Variants in HECTD3 observed in about 807,000 individuals in gnomAD.
HECTD3 encodes the protein E3 ubiquitin-protein ligase HECTD3.
A neutral mutation model predicts 109.3 loss-of-function variants in HECTD3; 72 were observed. The ratio of observed to expected loss-of-function variants is 0.66; its 90% CI spans 0.54 to 0.80. The LOEUF (loss-of-function observed/expected upper bound fraction) is 0.80. HECTD3 is among the 30% of genes least tolerant of loss of function. The probability of loss-of-function intolerance (pLI) is 0.00; values close to 1 mark genes in which losing one functional copy is unlikely to be tolerated. For synonymous variants in HECTD3, 481 were observed against 471.8 expected, an observed-to-expected ratio of 1.02 and a Z score of -0.25; for missense variants, 1,041 against 1,165.2, an observed-to-expected ratio of 0.89 and a Z score of 1.55.
rs758286371 is a variant in HECTD3, at chr1:45,006,836, A to G, written c.1622-41T>C. 3.1e-6 allele frequency: 5 copies of G among 1,600,316 alleles called. No homozygotes were observed. The highest frequency in any genetic ancestry group is 4.3e-6 in the Non-Finnish European group (5 of 1,169,236). ...CCCTCAGCTGGGCACTCAAGAGCCC[A>G]GCTCCCATAATGGGGTAATGAATAG... On this transcript the variant is annotated intron_variant, in intron 12 of 20. Transcript: ENST00000372172. The surrounding 1 kb of genome is among the most constrained non-coding windows in gnomAD (Gnocchi z 4.7).
chr1:45,006,249 TCTCC>T lies in HECTD3; in HGVS notation c.1726-137_1726-134del, dbSNP rs1473587082. ...CCTTCAAATGCACAGTGGCTCCTCC[TCTCC>T]CTGTCTGCCCAGAGGTTGCCCTGAG... is the stretch of plus-strand genomic sequence containing the variant. On this transcript the variant is annotated intron_variant, in intron 13 of 20. Transcript: ENST00000372172. The surrounding 1 kb of genome is among the most constrained non-coding windows in gnomAD (Gnocchi z 4.7). 14 of 1,146,780 alleles carry T rather than the reference TCTCC, an allele frequency of 1.2e-5. No individual in the cohort carries two copies. The East Asian group carries it at 3.4e-4, about 28-fold the overall frequency. 71.0% of individuals were successfully genotyped at this position (1,146,780 alleles called of 1,614,324 possible). A position where few individuals can be genotyped will look rare whatever the true frequency, so the allele number is the denominator to read the frequency against.
At position 45,007,022 on chromosome 1, in the gene HECTD3, A is replaced by G. The variant is rs1446047323; in HGVS notation, c.1557-7T>C. 2.5e-6 allele frequency: 4 copies of G among 1,614,058 alleles called. No individual in the cohort carries two copies. Among genetic ancestry groups the G allele is most frequent in the Admixed American group, 1.7e-5 (1 of 60,014 alleles). On this transcript the variant is annotated splice_region_variant and splice_polypyrimidine_tract_variant and intron_variant, in intron 11 of 20. Coordinates refer to ENST00000372172, the MANE Select transcript of HECTD3 (RefSeq NM_024602.6). The stretch of plus-strand genomic sequence containing the variant: ...GTCATAGCGCATGGGCCACCTGCAA[A>G]AAACGTGGGCAGATTTGTCATTATG...
chr1:45,009,639 G>A lies in HECTD3; in HGVS notation c.804C>T (p.Thr268=), dbSNP rs150045938. Residue 268 remains threonine, a synonymous_variant, in exon 5 of 21, where the codon ACC becomes ACT. Transcript: ENST00000372172. ...VSCLTDSNAD[T]YWESDGSQCQ... ...ACTGGGACCCATCGCTCTCCCAGTA[G>A]GTATCGGCATTGCTGTCTGTCAGGC... 1,473 of 1,614,086 alleles carry A rather than the reference G, an allele frequency of 9.1e-4. 15 individuals are homozygous for A. In the African/African-American group the frequency reaches 0.018, roughly 20 times the overall value.
In HECTD3 at chr1:45,002,589, T is replaced by C. The variant is rs1171859571; in HGVS notation, c.*903A>G. The C allele has an allele frequency of 6.6e-6, 1 of 152,272 alleles. No homozygotes were observed. The highest frequency in any genetic ancestry group is 6.5e-5 in the Admixed American group (1 of 15,280). The allele number at this position is 152,272 out of a possible 1,614,324, so 9.4% of individuals were successfully genotyped here. On this transcript the variant is annotated 3_prime_UTR_variant, in exon 21 of 21. Transcript: ENST00000372172. ...TTCAACTTTCCGGTATGCAAGAACT[T>C]CTTTTCATGGAGTGTCACGGAGGCC...
rs758344815 is a variant in HECTD3 at position 45,006,711 on chromosome 1, A to C, written c.1706T>G (p.Phe569Cys). The C allele has an allele frequency of 6.2e-7, 1 of 1,613,032 alleles. No individual in the cohort carries two copies. Among genetic ancestry groups the C allele is most frequent in the South Asian group, 1.1e-5 (1 of 90,924 alleles). The change falls in exon 13 of 21, where the codon TTT (phenylalanine) becomes TGT (cysteine). Residue 569 changes from phenylalanine to cysteine, a missense_variant. Phe to Cys is a radical substitution (Grantham distance 205, BLOSUM62 -2). Transcript: ENST00000372172. This position sits in a 1 kb window ranked among gnomAD's most constrained non-coding sequence, Gnocchi z 4.7. ...GATTACCTGGTTGGCTGTGCGTACA[A>C]AGAAGGGCAGGGGCACGGGGGTATC... ...SADTPVPLPF[F>C]VRTANQGNGT...
Position 45,011,035 on chromosome 1 carries a change from C to G in HECTD3, c.223G>C (p.Val75Leu). The G allele has an allele frequency of 7.0e-7, 1 of 1,418,786 alleles. No individual in the cohort carries two copies. The highest frequency in any genetic ancestry group is 1.5e-5 in the South Asian group (1 of 68,112). The allele number at this position is 1,418,786 out of a possible 1,614,324, so 87.9% of individuals were successfully genotyped here. The change falls in exon 1 of 21, where the codon GTG becomes CTG. Residue 75 changes from valine to leucine, a missense_variant. Physicochemically the swap from Val to Leu is conservative, Grantham distance 32. Around this residue, in one of 2 missense-constraint regions of HECTD3, gnomAD observed 472 missense variants for 449.9 expected, o/e 1.05. Coordinates refer to ENST00000372172, the MANE Select transcript of HECTD3 (RefSeq NM_024602.6). ...CCGGGGGCTGGGCCTGCGGCGCCCA[C>G]ACGCAGCCCCAGGCCCTCTGCCTCC... ...VWEAEGLGLRVGAAGPAPGTG... is the reference protein window; with the variant it reads ...VWEAEGLGLRLGAAGPAPGTG...
chr1:45,004,084 C>G lies in HECTD3; in HGVS notation c.2323G>C (p.Glu775Gln). The G allele has an allele frequency of 6.2e-7, 1 of 1,614,078 alleles. No individual in the cohort carries two copies. The highest frequency in any genetic ancestry group is 8.5e-7 in the Non-Finnish European group (1 of 1,180,034). The change falls in exon 18 of 21, where the codon GAG becomes CAG. Residue 775 changes from glutamate to glutamine, a missense_variant. By Grantham distance (29) the Glu-to-Gln change is conservative (BLOSUM62 2). Coordinates refer to ENST00000372172, the MANE Select transcript of HECTD3 (RefSeq NM_024602.6). ...PSDSRVQYFW[E>Q]ALNNFTNEDR... ...CCGTTGGTGAAGTTGTTCAGTGCCT[C>G]CCAGAAATACTGCACCCGCGAGTCA...
chr1:45,005,526 A>C (rs1644727940), intron 15 of HECTD3: 1 of 361,576 alleles, frequency 2.8e-6, no homozygotes, highest in Non-Finnish European at 5.0e-6. Context: ...TCTTCGGAGA[A>C]GATAAAGAAC....
rs1039686946 is a variant in HECTD3 at position 45,009,496 on chromosome 1, G to A, written c.876-14C>T. 3.7e-6 allele frequency: 6 copies of A among 1,609,254 alleles called. No individual in the cohort carries two copies. On this transcript the variant is annotated splice_polypyrimidine_tract_variant and intron_variant, in intron 5 of 20. Coordinates refer to ENST00000372172, the MANE Select transcript of HECTD3 (RefSeq NM_024602.6). ...AGTAGCAGCTTCCTGAAGGGTCAGAGTGTGAATATGAGTCTTTGTGAACCC... is the reference window on the plus strand; with the variant it reads ...AGTAGCAGCTTCCTGAAGGGTCAGAATGTGAATATGAGTCTTTGTGAACCC...
At chr1:45,004,520 T>C in intron 16 of HECTD3, 80 bp downstream of exon 16, 1 of 1,595,104 alleles carries the variant, frequency 6.3e-7, no homozygotes, top group Non-Finnish European at 8.6e-7. Flanking sequence ...ACTGGTGGCT[T>C]ACAGGCTGTG....
intron 11 of HECTD3, 82 bp downstream of exon 11, chr1:45,007,136 GT>G: frequency 1.2e-6 from 1 of 828,294 alleles, no homozygotes; most frequent in Non-Finnish European, 1.6e-6. Context: ...TTGTGTGTGT[GT>G]GTGTGTGTGT....
At chr1:45,005,080 T>C (rs1237722163) in intron 15 of HECTD3, 5 of 532,608 alleles carry the variant, frequency 9.4e-6, no homozygotes, top group Non-Finnish European at 1.7e-5. Context: ...AGAGAACATC[T>C]TGGAGAAAGC....
At chr1:45,008,023 G>A (rs1276579105) in intron 9 of HECTD3, among the ~76,000 whole-genome samples, 4 of 152,196 alleles carry the variant, frequency 2.6e-5, no homozygotes, top group Non-Finnish European at 5.9e-5. Flanking sequence ...GCTGTCAATA[G>A]CCCTTGGGTA....
rs1243827285 is a variant in HECTD3, at chr1:45,010,723, G to A, written c.370-17C>T. On this transcript the variant is annotated splice_polypyrimidine_tract_variant and intron_variant, in intron 1 of 20. Coordinates refer to ENST00000372172, the MANE Select transcript of HECTD3 (RefSeq NM_024602.6). ...CAGCTGCTCCTGCCGGGACGCGTAG[G>A]ATGGGGACAGCCGTCAGGGAACTGC... 2.6e-6 allele frequency: 4 copies of A among 1,535,278 alleles called. No individual in the cohort carries two copies. The highest frequency in any genetic ancestry group is 3.9e-5 in the Admixed American group (2 of 51,880).
intron 11 of HECTD3, 75 bp downstream of exon 11, chr1:45,007,126 TTGTGTGTGTGTGTGTGTG>T (rs56343463): frequency 1.4e-5 from 18 of 1,251,798 alleles, no homozygotes; most frequent in Non-Finnish European, 2.1e-5. Flanking sequence ...CCTCGAGCAG[TTGTGTGTGTGTGTGTGTG>T]TGTGTGTGTG....
chr1:45,010,367 C>G (rs1324963917), intron 2 of HECTD3, 74 bp from the exon 3 acceptor site: 16 of 1,491,106 alleles, frequency 1.1e-5, no homozygotes, highest in Non-Finnish European at 1.5e-5. Context: ...TGCCGTGTAG[C>G]CTTCTTCAGG....
Position 45,010,696 on chromosome 1 carries a change from G to C in HECTD3, c.380C>G (p.Ala127Gly), listed in dbSNP as rs200038150. 6.3e-3 allele frequency: 9,752 copies of C among 1,554,744 alleles called. 44 individuals are homozygous for C. Among genetic ancestry groups the C allele is most frequent in the East Asian group, 0.013 (554 of 42,514 alleles). ...CAGCCCGCAGTCGCCCAGGTGCTCT[G>C]CCAGCTGCTCCTGCCGGGACGCGTA... The part of the protein sequence containing the change: ...LWVKLTKEQL[A>G]EHLGDCGLQE... The change falls in exon 2 of 21, where the codon GCA (alanine) becomes GGA (glycine). Residue 127 changes from alanine (A) to glycine (G), a missense_variant. Ala to Gly is a moderately conservative substitution (Grantham distance 60, BLOSUM62 0). Coordinates refer to ENST00000372172, the MANE Select transcript of HECTD3 (RefSeq NM_024602.6).
intron 9 of HECTD3, 60 bp downstream of exon 9, chr1:45,008,180 G>A: frequency 7.4e-7 from 1 of 1,348,950 alleles, no homozygotes. Flanking sequence ...GCTAAGGAAT[G>A]AACAACTACG....
rs751880625 is a variant in HECTD3 at position 45,008,426 on chromosome 1, T to C, written c.1239-105A>G. 10 of 1,496,596 alleles carry C rather than the reference T, an allele frequency of 6.7e-6. No individual in the cohort carries two copies. The South Asian group carries it at 1.1e-4, about 17-fold the overall frequency. The allele number at this position is 1,496,596 out of a possible 1,614,324, so 92.7% of individuals were successfully genotyped here. A position where few individuals can be genotyped will look rare whatever the true frequency, so the allele number is the denominator to read the frequency against. On this transcript the variant is annotated intron_variant, in intron 8 of 20. Transcript: ENST00000372172. The stretch of plus-strand genomic sequence containing the variant: ...AAAAGGCAGGACCTGGGGGCTTCTC[T>C]GACCCTTGAACAGCTTATACTATGA...
Sources: gnomAD v4.1 joint callset for allele counts (sites outside exome capture counted in the v4.1 genomes callset) on GRCh38, gnomAD v4.1.1 for gene constraint, gnomAD v4.1.1 regional missense constraint, Gnocchi (gnomAD v3.1) non-coding constraint, MANE v1.5 for transcripts, NCBI Gene and HGNC (gene_info 2026-07-23, HGNC 2026-07-21) for gene names.